The following GRIK1 variants were observed in gnomAD, a reference collection of about 807,000 sequenced individuals.
The protein encoded by GRIK1 is glutamate receptor ionotropic, kainate 1.
GRIK1 carries 69 observed loss-of-function variants against 105.7 expected under a neutral mutation model. The ratio of observed to expected loss-of-function variants is 0.65; its 90% CI spans 0.54 to 0.80. GRIK1 has a LOEUF of 0.80. Ranked by LOEUF, GRIK1 falls within the 30% of genes least tolerant of loss-of-function variation. GRIK1 has a pLI of 0.00. For synonymous variants in GRIK1, 438 were observed against 431.3 expected, an observed-to-expected ratio of 1.02 and a Z score of -0.19; for missense variants, 1,109 against 1,167.3, an observed-to-expected ratio of 0.95 and a Z score of 0.73.
intron 1 of GRIK1, among the ~76,000 whole-genome samples, chr21:29,751,910 C>T (rs1283346939): frequency 6.6e-6 from 1 of 152,210 alleles, no homozygotes; most frequent in Non-Finnish European, 1.5e-5. Context: ...CTGCCTGTAA[C>T]ACATTCACAA....
At chr21:29,872,501 G>C (rs897445110) in intron 1 of GRIK1, among the ~76,000 whole-genome samples, 1 of 152,100 alleles carries the variant, frequency 6.6e-6, no homozygotes, top group Admixed American at 6.6e-5. Flanking sequence ...TTTGTATGTG[G>C]ATATAACTCA....
intron 4 of GRIK1, among the ~76,000 whole-genome samples, chr21:29,672,402 C>G (rs2063176235): frequency 6.6e-6 from 1 of 152,030 alleles, no homozygotes; most frequent in South Asian, 2.1e-4. Flanking sequence ...GAACATTACT[C>G]ATGTCTTCAT....
chr21:29,553,215 A>T (rs1334248863), intron 16 of GRIK1: 5 of 994,148 alleles, frequency 5.0e-6, no homozygotes, highest in Non-Finnish European at 6.0e-6. Context: ...TCGTGTTTCC[A>T]TGCTTTGCCC....
At chr21:29,685,335 TG>T (rs2063468484) in intron 3 of GRIK1, among the ~76,000 whole-genome samples, 1 of 152,202 alleles carries the variant, frequency 6.6e-6, no homozygotes, top group African/African-American at 2.4e-5. Context: ...ATATAAACTT[TG>T]GGCCAGTTTA....
At chr21:29,807,266 C>A (rs1489531502) in intron 1 of GRIK1, among the ~76,000 whole-genome samples, 1 of 152,040 alleles carries the variant, frequency 6.6e-6, no homozygotes, top group Admixed American at 6.6e-5. Context: ...AACAAACTGC[C>A]CCTTCCCTGT....
intron 6 of GRIK1, among the ~76,000 whole-genome samples, chr21:29,645,661 A>G (rs998335562): frequency 2.0e-5 from 3 of 152,162 alleles, no homozygotes; most frequent in African/African-American, 7.2e-5. Context: ...GCACTAATAA[A>G]CTACCACTGA....
chr21:29,654,884 GA>G, intron 4 of GRIK1, 21 bp from the exon 5 acceptor site: 1 of 1,417,822 alleles, frequency 7.1e-7, no homozygotes, highest in Non-Finnish European at 1.0e-6. Flanking sequence ...GAAATAAGGG[GA>G]AAGAATCAGG....
chr21:29,590,445 C>T (rs2061316687), intron 10 of GRIK1, among the ~76,000 whole-genome samples: 1 of 152,076 alleles, frequency 6.6e-6, no homozygotes, highest in Non-Finnish European at 1.5e-5. Flanking sequence ...GGGGCATGAC[C>T]AGGGCACTAA....
intron 1 of GRIK1, among the ~76,000 whole-genome samples, chr21:29,878,185 A>T (rs1173355580): frequency 6.6e-6 from 1 of 152,144 alleles, no homozygotes; most frequent in Non-Finnish European, 1.5e-5. Context: ...TGGTCTGACT[A>T]GTGATTAAAT....
At chr21:29,686,188 A>G (rs1486783069) in intron 3 of GRIK1, among the ~76,000 whole-genome samples, 2 of 152,154 alleles carry the variant, frequency 1.3e-5, no homozygotes, top group African/African-American at 2.4e-5. Flanking sequence ...GTCATGTAAA[A>G]CTTTGGTTAA....
intron 1 of GRIK1, among the ~76,000 whole-genome samples, chr21:29,755,930 A>G (rs1439372154): frequency 6.6e-6 from 1 of 152,220 alleles, no homozygotes; most frequent in Non-Finnish European, 1.5e-5. Context: ...TAGAAGAGAA[A>G]TGCAAAGCAT....
At chr21:29,892,635 A>G (rs1391613348) in intron 1 of GRIK1, among the ~76,000 whole-genome samples, 1 of 152,196 alleles carries the variant, frequency 6.6e-6, no homozygotes, top group African/African-American at 2.4e-5. Context: ...CCCAAGATGA[A>G]GAAACGCTAT....
rs34578078 is a variant in GRIK1 at position 29,932,428 on chromosome 21, T to C, written c.118+6955A>G. Among the ~76,000 whole-genome samples, 3 of 152,258 alleles carry C rather than the reference T, an allele frequency of 2.0e-5. No homozygotes were observed. The East Asian group carries it at 5.8e-4, about 29-fold the overall frequency. On this transcript the variant is annotated intron_variant, in intron 1 of 17. Transcript: ENST00000327783. ...TTAATAAGAAAAAAGTAAAATATTG[T>C]CCAAGTAACTTGGGAAAGTTATTCT...
chr21:29,649,375 C>T (rs1450708760), intron 6 of GRIK1, among the ~76,000 whole-genome samples: 2 of 152,072 alleles, frequency 1.3e-5, no homozygotes, highest in Non-Finnish European at 2.9e-5. Flanking sequence ...CTGGTAAATC[C>T]CCACTTTCCT....
At chr21:29,790,720 T>G (rs951029822) in intron 1 of GRIK1, among the ~76,000 whole-genome samples, 1 of 152,210 alleles carries the variant, frequency 6.6e-6, no homozygotes, top group Non-Finnish European at 1.5e-5. Flanking sequence ...CCCAGAGTGC[T>G]GGGATTACAG....
intron 7 of GRIK1, among the ~76,000 whole-genome samples, chr21:29,602,856 G>A (rs991636432): frequency 2.6e-5 from 4 of 152,186 alleles, no homozygotes; most frequent in Non-Finnish European, 5.9e-5. Context: ...GCCATGGTCA[G>A]ATGTGCATTA....
chr21:29,840,844 C>A (rs1167723459), intron 1 of GRIK1, among the ~76,000 whole-genome samples: 1 of 152,016 alleles, frequency 6.6e-6, no homozygotes, highest in Non-Finnish European at 1.5e-5. Flanking sequence ...AACCCACCTA[C>A]CTGATAGACA....
At chr21:29,608,359 T>A (rs928724418) in intron 7 of GRIK1, among the ~76,000 whole-genome samples, 3 of 152,138 alleles carry the variant, frequency 2.0e-5, no homozygotes, top group Non-Finnish European at 4.4e-5. Context: ...GTATAGAAGG[T>A]TGGAGGAAAC....
intron 13 of GRIK1, among the ~76,000 whole-genome samples, chr21:29,577,410 A>G (rs2090921383): frequency 6.6e-6 from 1 of 152,228 alleles, no homozygotes; most frequent in South Asian, 2.1e-4. Flanking sequence ...GATGGTATTA[A>G]AACAGTTTTA....
Sources: gnomAD v4.1 joint callset for allele counts (sites outside exome capture counted in the v4.1 genomes callset) on GRCh38, gnomAD v4.1.1 for gene constraint, MANE v1.5 for transcripts, NCBI Gene and HGNC (gene_info 2026-07-23, HGNC 2026-07-21) for gene names.